The following NELL2 variants were observed in gnomAD, a reference collection of about 807,000 sequenced individuals.
The protein encoded by NELL2 is protein kinase C-binding protein NELL2.
Under a neutral mutation model 109.6 loss-of-function variants are expected in NELL2, and 41 were observed. The ratio of observed to expected loss-of-function variants is 0.37; its 90% CI spans 0.29 to 0.49. NELL2 has a LOEUF of 0.49. Among genes scored for constraint, NELL2 ranks in the 20% least tolerant of loss-of-function variants. NELL2 has a pLI of 0.98. For missense variants in NELL2, 900 were observed against 1,008.3 expected, an observed-to-expected ratio of 0.89 and a Z score of 1.45; for synonymous variants, 355 against 344.7, an observed-to-expected ratio of 1.03 and a Z score of -0.33.
intron 15 of NELL2, among the ~76,000 whole-genome samples, chr12:44,595,149 G>T (rs1944907409): frequency 6.6e-6 from 1 of 152,184 alleles, no homozygotes. Flanking sequence ...ACAAGCAACT[G>T]TAGTCAACTA....
chr12:44,894,187 T>C, intron 1 of NELL2, among the ~76,000 whole-genome samples: 1 of 152,212 alleles, frequency 6.6e-6, no homozygotes, highest in Non-Finnish European at 1.5e-5. Flanking sequence ...AGTCCCTGTA[T>C]TAAATTACTT....
intron 13 of NELL2, among the ~76,000 whole-genome samples, chr12:44,634,510 T>C (rs1038047609): frequency 6.6e-6 from 1 of 152,198 alleles, no homozygotes; most frequent in African/African-American, 2.4e-5. Context: ...CTCATCCCTT[T>C]TTATGGCTGC....
At chr12:44,816,866 C>A (rs531203085) in intron 2 of NELL2, among the ~76,000 whole-genome samples, 1 of 152,184 alleles carries the variant, frequency 6.6e-6, no homozygotes, top group Admixed American at 6.5e-5. Flanking sequence ...CCTCAGGACC[C>A]AGATTATATG....
intron 13 of NELL2, among the ~76,000 whole-genome samples, chr12:44,611,896 T>C (rs1945637334): frequency 6.6e-6 from 1 of 152,066 alleles, no homozygotes; most frequent in Non-Finnish European, 1.5e-5. Context: ...ATGCAATATG[T>C]GAGAAAATGC....
chr12:44,772,898 G>C (rs1466840234), intron 9 of NELL2, among the ~76,000 whole-genome samples: 1 of 151,902 alleles, frequency 6.6e-6, no homozygotes, highest in East Asian at 1.9e-4. Flanking sequence ...AAGACTGCCT[G>C]AAACACTCTT....
At chr12:44,843,643 T>G (rs561425453) in intron 2 of NELL2, among the ~76,000 whole-genome samples, 2 of 152,334 alleles carry the variant, frequency 1.3e-5, no homozygotes, top group South Asian at 4.1e-4. Flanking sequence ...TGAAATTTGT[T>G]TTCTCATAGT....
At chr12:44,526,847 T>C (rs1388621440) in intron 16 of NELL2, among the ~76,000 whole-genome samples, 1 of 152,200 alleles carries the variant, frequency 6.6e-6, no homozygotes, top group Non-Finnish European at 1.5e-5. Context: ...TAGTTGGATA[T>C]GTGTGTGGGG....
At chr12:44,687,360 C>T (rs760069070) in intron 12 of NELL2, among the ~76,000 whole-genome samples, 17 of 152,294 alleles carry the variant, frequency 1.1e-4, no homozygotes, top group Non-Finnish European at 1.8e-4. Flanking sequence ...AGAAATCACC[C>T]GTCTTCTGTG....
intron 2 of NELL2, among the ~76,000 whole-genome samples, chr12:44,845,592 G>A (rs1944346722): frequency 1.3e-5 from 2 of 152,200 alleles, no homozygotes; most frequent in South Asian, 2.1e-4. Flanking sequence ...TGATTACAGA[G>A]AAGCTGGGGT....
chr12:44,607,923 G>A (rs1344473231), intron 14 of NELL2, among the ~76,000 whole-genome samples: 2 of 152,080 alleles, frequency 1.3e-5, no homozygotes, highest in Non-Finnish European at 2.9e-5. Context: ...TCTGTGAGTA[G>A]GAAGCTGAAC....
At chr12:44,875,565 C>T (rs753040789) in intron 1 of NELL2, 2 of 1,613,780 alleles carry the variant, frequency 1.2e-6, no homozygotes, top group African/African-American at 1.3e-5. Flanking sequence ...CCATGACCTC[C>T]TTTAAACCCT....
At chr12:44,680,097 A>AAT (rs1162559190) in intron 12 of NELL2, among the ~76,000 whole-genome samples, 4 of 152,150 alleles carry the variant, frequency 2.6e-5, no homozygotes, top group South Asian at 2.1e-4. Flanking sequence ...TAATTTAGTA[A>AAT]ATATATATAT....
chr12:44,654,560 G>A (rs1201378095), intron 13 of NELL2, among the ~76,000 whole-genome samples: 1 of 152,144 alleles, frequency 6.6e-6, no homozygotes, highest in Non-Finnish European at 1.5e-5. Context: ...CAGGATGTCA[G>A]TTCCTATTGG....
chr12:44,723,625 T>A (rs929751206), intron 9 of NELL2, among the ~76,000 whole-genome samples: 6 of 152,198 alleles, frequency 3.9e-5, no homozygotes, highest in Non-Finnish European at 7.3e-5. Context: ...ATTTCCAGTA[T>A]AAGTTTCATT....
intron 15 of NELL2, among the ~76,000 whole-genome samples, chr12:44,541,250 C>CA (rs3071951): frequency 0.34 from 26,948 of 78,752 alleles, 5,211 homozygotes; most frequent in African/African-American, 0.5. Flanking sequence ...GACTCCATCT[C>CA]AAAAAAAAAA....
At chr12:44,541,696 T>C (rs993993415) in intron 15 of NELL2, among the ~76,000 whole-genome samples, 20 of 152,266 alleles carry the variant, frequency 1.3e-4, no homozygotes, top group African/African-American at 3.6e-4. Context: ...TGTCTTCAGA[T>C]TGAAAGGTCA....
intron 9 of NELL2, among the ~76,000 whole-genome samples, chr12:44,757,521 C>T (rs1940941837): frequency 6.6e-6 from 1 of 152,108 alleles, no homozygotes; most frequent in Non-Finnish European, 1.5e-5. Context: ...ATTCACTGTG[C>T]TCAAGTCACA....
At chr12:44,551,170 T>C (rs980687779) in intron 15 of NELL2, among the ~76,000 whole-genome samples, 2 of 152,190 alleles carry the variant, frequency 1.3e-5, no homozygotes, top group Non-Finnish European at 2.9e-5. Context: ...CAGCCTTTTG[T>C]CTATCAAGCA....
chr12:44,717,942 G>A (rs1938575684), intron 9 of NELL2, among the ~76,000 whole-genome samples: 1 of 152,152 alleles, frequency 6.6e-6, no homozygotes, highest in East Asian at 1.9e-4. Context: ...GGAGTGTTGG[G>A]TGCCCAGGAA....
Sources: gnomAD v4.1 joint callset for allele counts (sites outside exome capture counted in the v4.1 genomes callset) on GRCh38, gnomAD v4.1.1 for gene constraint, MANE v1.5 for transcripts, NCBI Gene and HGNC (gene_info 2026-07-23, HGNC 2026-07-21) for gene names.